GATAD2B: variants seen among roughly 807,000 people sequenced by gnomAD.
The protein encoded by GATAD2B is GATA zinc finger domain containing 2B, also known as transcriptional repressor p66-beta.
In GATAD2B, 8 loss-of-function variants were observed where a neutral mutation model predicts 64.3. That is an observed-to-expected ratio of 0.12 (90% CI 0.07 to 0.22). The LOEUF (loss-of-function observed/expected upper bound fraction) is 0.22. Ranked by LOEUF, GATAD2B falls within the 10% of genes least tolerant of loss-of-function variation. The pLI is 1.00. For missense variants in GATAD2B, 453 were observed against 752.0 expected (o/e 0.60, Z 4.65); for synonymous variants, 281 against 271.3 (o/e 1.04, Z -0.35).
chr1:153,840,414 C>A lies in GATAD2B; in HGVS notation c.-1-12066G>T, dbSNP rs145855227. The stretch of plus-strand genomic sequence containing the variant: ...GTGCAATGGCGCGATCTCGGCTCAC[C>A]GCAACCTCCGCCTCCTGGGTTCAAG... On this transcript the variant is annotated intron_variant, in intron 1 of 10. Transcript: ENST00000368655. Among the ~76,000 whole-genome samples the A allele has an allele frequency of 8.7e-3, 1,296 of 149,532 alleles. 16 individuals carry two copies. The highest frequency in any genetic ancestry group is 0.031 in the African/African-American group (1,248 of 40,552).
chr1:153,846,274 C>T (rs1675685949), intron 1 of GATAD2B, among the ~76,000 whole-genome samples: 1 of 152,142 alleles, frequency 6.6e-6, no homozygotes, highest in South Asian at 2.1e-4. Flanking sequence ...ACTCTGTCAC[C>T]CAGGCTGGGG....
chr1:153,904,777 G>A (rs1677875894), intron 1 of GATAD2B, among the ~76,000 whole-genome samples: 1 of 151,988 alleles, frequency 6.6e-6, no homozygotes, highest in Admixed American at 6.6e-5. Flanking sequence ...GCACATCTCG[G>A]CTCACTGCAA....
At chr1:153,871,995 T>A (rs920128572) in intron 1 of GATAD2B, among the ~76,000 whole-genome samples, 2 of 152,018 alleles carry the variant, frequency 1.3e-5, no homozygotes, top group African/African-American at 4.8e-5. Flanking sequence ...GTTAATTTGA[T>A]GTTTATGTGA....
At chr1:153,877,217 T>C (rs1368329745) in intron 1 of GATAD2B, among the ~76,000 whole-genome samples, 1 of 152,102 alleles carries the variant, frequency 6.6e-6, no homozygotes, top group African/African-American at 2.4e-5. Flanking sequence ...GACATGCCTA[T>C]AGTCAGTCCT....
intron 10 of GATAD2B, chr1:153,811,498 TA>T (rs1452613093): frequency 3.5e-6 from 2 of 574,432 alleles, no homozygotes; most frequent in East Asian, 6.1e-5. Flanking sequence ...TATTAAAAGT[TA>T]AATTGATAAT....
chr1:153,840,575 G>C (rs1471580660), intron 1 of GATAD2B, among the ~76,000 whole-genome samples: 1 of 152,030 alleles, frequency 6.6e-6, no homozygotes, highest in Non-Finnish European at 1.5e-5. Context: ...GACCTCAGGT[G>C]ATCCACCCGC....
At chr1:153,873,339 G>A (rs544516306) in intron 1 of GATAD2B, among the ~76,000 whole-genome samples, 6 of 152,156 alleles carry the variant, frequency 3.9e-5, no homozygotes, top group African/African-American at 7.2e-5. Flanking sequence ...TTAATACCCC[G>A]CAACGATTTG....
chr1:153,869,968 C>T (rs200448669), intron 1 of GATAD2B, among the ~76,000 whole-genome samples: 4 of 116,344 alleles, frequency 3.4e-5, no homozygotes, highest in Non-Finnish European at 7.7e-5. Flanking sequence ...TCTACATTTT[C>T]CTTTTTTTGA....
Position 153,818,792 on chromosome 1 carries a change from T to G in GATAD2B, c.596A>C (p.Lys199Thr). ...SQLQKENVVQ[K>T]TPVVQNAASI... ...TCCCTTATTTCTAGGGCACATTACCTTCTGGACCACATTCTCTTTCTGTAG... is the reference window on the plus strand; with the variant it reads ...TCCCTTATTTCTAGGGCACATTACCGTCTGGACCACATTCTCTTTCTGTAG... The change falls in exon 4 of 11, where the codon AAG becomes ACG. Residue 199 changes from lysine (K) to threonine (T), a missense_variant and splice_region_variant. Around this residue, in one of 2 missense-constraint regions of GATAD2B, gnomAD observed 293 missense variants for 417.2 expected, o/e 0.70. Transcript: ENST00000368655. 1 of 1,613,408 alleles carries G rather than the reference T, an allele frequency of 6.2e-7. No homozygotes were observed. Among genetic ancestry groups the G allele is most frequent in the Non-Finnish European group, 8.5e-7 (1 of 1,179,946 alleles).
At chr1:153,922,172 T>G (rs1420253999) in intron 1 of GATAD2B, 3 of 151,546 alleles carry the variant, frequency 2.0e-5, no homozygotes, top group Non-Finnish European at 4.4e-5. Context: ...ATAAAGATAA[T>G]TATCTGGTGC....
rs201475830 is a variant in GATAD2B at position 153,880,823 on chromosome 1, GAC to G, written c.-2+41908_-2+41909del. On this transcript the variant is annotated intron_variant, in intron 1 of 10. Transcript: ENST00000368655. Reference sequence around the variant, plus strand: ...CACATCACTGCACTCCAGCTTGGGTGACAGAGACCCTGTCTCAAAAAAATAAA... The same window carrying G: ...CACATCACTGCACTCCAGCTTGGGTGAGAGACCCTGTCTCAAAAAAATAAA... Among the ~76,000 whole-genome samples the G allele has an allele frequency of 6.4e-4, 98 of 152,162 alleles. 1 individual carries two copies. The East Asian group carries it at 0.017, about 27-fold the overall frequency.
At chr1:153,852,672 C>CT in intron 1 of GATAD2B, 3 of 900,848 alleles carry the variant, frequency 3.3e-6, no homozygotes, top group East Asian at 2.4e-5. Context: ...GGTCTCTTGG[C>CT]TTTTTTGCTT....
intron 1 of GATAD2B, among the ~76,000 whole-genome samples, chr1:153,856,987 G>A (rs1676103498): frequency 6.6e-6 from 1 of 151,932 alleles, no homozygotes; most frequent in Admixed American, 6.6e-5. Flanking sequence ...AAATGATTAT[G>A]TTAATCATCA....
chr1:153,881,033 C>G (rs570962304), intron 1 of GATAD2B, among the ~76,000 whole-genome samples: 1 of 152,160 alleles, frequency 6.6e-6, no homozygotes, highest in East Asian at 1.9e-4. Flanking sequence ...AAGCCTCCCC[C>G]CTCCCTCTCC....
chr1:153,870,936 G>A (rs774124999), intron 1 of GATAD2B, among the ~76,000 whole-genome samples: 7 of 152,100 alleles, frequency 4.6e-5, no homozygotes, highest in Non-Finnish European at 1.0e-4. Context: ...TCCCCAAGAC[G>A]GAGTCTTGCT....
intron 2 of GATAD2B, among the ~76,000 whole-genome samples, chr1:153,822,012 C>T (rs560458286): frequency 2.2e-3 from 332 of 151,910 alleles, no homozygotes; most frequent in Non-Finnish European, 3.6e-3. Context: ...GAAACCCTGT[C>T]TCTACTAAAA....
chr1:153,844,400 A>G (rs1378427595), intron 1 of GATAD2B, among the ~76,000 whole-genome samples: 1 of 151,488 alleles, frequency 6.6e-6, no homozygotes, highest in African/African-American at 2.4e-5. Context: ...TGCTTAGTTT[A>G]AGTACTGGCC....
At chr1:153,894,791 G>C (rs1677532034) in intron 1 of GATAD2B, among the ~76,000 whole-genome samples, 1 of 152,174 alleles carries the variant, frequency 6.6e-6, no homozygotes, top group Non-Finnish European at 1.5e-5. Flanking sequence ...GAACCCGAGA[G>C]GCAGAGGTCG....
intron 1 of GATAD2B, among the ~76,000 whole-genome samples, chr1:153,894,731 A>T (rs1677529672): frequency 6.6e-6 from 1 of 152,176 alleles, no homozygotes; most frequent in Non-Finnish European, 1.5e-5. Flanking sequence ...GCATGGTGGC[A>T]CGCGCCTGCA....
Sources: allele counts gnomAD v4.1 joint callset (sites outside exome capture counted in the v4.1 genomes callset), GRCh38; gene constraint gnomAD v4.1.1; regional missense constraint gnomAD v4.1.1; transcripts MANE v1.5; gene names NCBI Gene and HGNC (gene_info 2026-07-23, HGNC 2026-07-21).